KHDRBS3: variants seen among roughly 807,000 people sequenced by gnomAD.
The protein encoded by KHDRBS3 is KH RNA binding domain containing, signal transduction associated 3.
In KHDRBS3, 23 loss-of-function variants were observed where a neutral mutation model predicts 45.6. The ratio of observed to expected loss-of-function variants is 0.50; its 90% CI spans 0.36 to 0.72. The LOEUF is 0.72. Ranked by LOEUF, KHDRBS3 falls within the 30% of genes least tolerant of loss-of-function variation. KHDRBS3 has a pLI of 0.00. For missense variants in KHDRBS3, 352 were observed against 424.8 expected (o/e 0.83, Z 1.51); for synonymous variants, 162 against 156.5 (o/e 1.04, Z -0.26).
At chr8:135,572,612 T>C (rs902986783) in intron 5 of KHDRBS3, among the ~76,000 whole-genome samples, 5 of 152,246 alleles carry the variant, frequency 3.3e-5, no homozygotes, top group African/African-American at 9.6e-5. Flanking sequence ...CAGCAGTGCT[T>C]GAGGGCCTGT....
At chr8:135,622,974 G>C (rs4593582) in intron 7 of KHDRBS3, among the ~76,000 whole-genome samples, 151,957 of 152,354 alleles carry the variant, frequency 1, 75,782 homozygotes, top group East Asian at 1. Flanking sequence ...TAACCAATCT[G>C]TGACCCCTTT....
downstream of KHDRBS3, among the ~76,000 whole-genome samples, chr8:135,651,643 A>T (rs1336233886): frequency 6.6e-6 from 1 of 152,138 alleles, no homozygotes; most frequent in Non-Finnish European, 1.5e-5. Flanking sequence ...ATAGTGCCTC[A>T]TTTAGTCTGT....
intron 2 of KHDRBS3, 112 bp downstream of exon 2, chr8:135,521,467 C>T: frequency 1.7e-6 from 1 of 591,760 alleles, no homozygotes. Context: ...TAGCATCCCC[C>T]TACACACACT....
chr8:135,469,065 G>C (rs1403408901), intron 1 of KHDRBS3, among the ~76,000 whole-genome samples: 2 of 152,232 alleles, frequency 1.3e-5, no homozygotes, highest in Non-Finnish European at 2.9e-5. Context: ...GTCTGGTGTT[G>C]CTGCATTCTG....
At chr8:135,483,561 C>CTT (rs1330885617) in intron 1 of KHDRBS3, among the ~76,000 whole-genome samples, 1 of 152,166 alleles carries the variant, frequency 6.6e-6, no homozygotes, top group Admixed American at 6.5e-5. Context: ...GATTCGTACT[C>CTT]TGAGTTTGCA....
At chr8:135,559,893 A>G (rs957926893) in intron 5 of KHDRBS3, among the ~76,000 whole-genome samples, 3 of 152,174 alleles carry the variant, frequency 2.0e-5, no homozygotes, top group Non-Finnish European at 2.9e-5. Context: ...TCACCCAAAA[A>G]GTGAACAGAA....
intron 7 of KHDRBS3, among the ~76,000 whole-genome samples, chr8:135,627,104 TC>T (rs1188849001): frequency 6.6e-6 from 1 of 152,162 alleles, no homozygotes; most frequent in African/African-American, 2.4e-5. Context: ...CGGGTTAAAC[TC>T]TGAATTAATC....
chr8:135,600,640 GA>G (rs1429792870), intron 6 of KHDRBS3, among the ~76,000 whole-genome samples: 2 of 152,204 alleles, frequency 1.3e-5, no homozygotes, highest in African/African-American at 4.8e-5. Context: ...TAAAGTGCAA[GA>G]AAAGGGATAA....
At chr8:135,504,358 C>T (rs1823884806) in intron 1 of KHDRBS3, among the ~76,000 whole-genome samples, 1 of 152,090 alleles carries the variant, frequency 6.6e-6, no homozygotes, top group Admixed American at 6.5e-5. Context: ...TTTGCATTTT[C>T]CTCTAAGGAA....
At chr8:135,640,184 G>A (rs758926122) in intron 7 of KHDRBS3, among the ~76,000 whole-genome samples, 1 of 152,128 alleles carries the variant, frequency 6.6e-6, no homozygotes, top group African/African-American at 2.4e-5. Context: ...AGAATTTTAG[G>A]TGTGCTAAAG....
At chr8:135,546,570 T>C (rs1207637460) in intron 3 of KHDRBS3, among the ~76,000 whole-genome samples, 2 of 152,202 alleles carry the variant, frequency 1.3e-5, no homozygotes, top group Non-Finnish European at 2.9e-5. Context: ...ATGATAGTGA[T>C]ATAATAATTA....
intron 5 of KHDRBS3, among the ~76,000 whole-genome samples, chr8:135,570,994 A>G (rs1190914017): frequency 1.3e-5 from 2 of 152,216 alleles, no homozygotes; most frequent in Non-Finnish European, 1.5e-5. Flanking sequence ...TTGAGAAGAC[A>G]ATAACAGAGG....
intron 4 of KHDRBS3, among the ~76,000 whole-genome samples, chr8:135,554,442 A>G (rs2130819605): frequency 6.6e-6 from 1 of 152,270 alleles, no homozygotes; most frequent in African/African-American, 2.4e-5. Flanking sequence ...GTGTTTTACA[A>G]ATTATGTATT....
intron 7 of KHDRBS3, among the ~76,000 whole-genome samples, chr8:135,619,756 A>G (rs535793834): frequency 1.3e-5 from 2 of 152,342 alleles, no homozygotes; most frequent in East Asian, 3.9e-4. Context: ...ACAATACAGG[A>G]TACATACACA....
rs138536392 is a variant in KHDRBS3 at position 135,635,847 on chromosome 8, C to T, written c.891-9212C>T. 3.4e-3 allele frequency among the ~76,000 whole-genome samples: 518 copies of T among 152,276 alleles called. 7 individuals are homozygous for T. The highest frequency in any genetic ancestry group is 0.011 in the African/African-American group (470 of 41,560). The stretch of plus-strand genomic sequence containing the variant: ...AAAAATGTCACTTCGCTGCATTATG[C>T]GTATCTTCAAAGTGCTGTTAACACA... On this transcript the variant is annotated intron_variant, in intron 7 of 8. Coordinates refer to ENST00000355849, the MANE Select transcript of KHDRBS3 (RefSeq NM_006558.3).
chr8:135,644,078 G>A (rs1005346635), intron 7 of KHDRBS3, among the ~76,000 whole-genome samples: 5 of 152,180 alleles, frequency 3.3e-5, no homozygotes, highest in Non-Finnish European at 5.9e-5. Context: ...AAAATGGAGT[G>A]GGAAAGAGGA....
At chr8:135,546,790 C>T (rs1826326568) in intron 3 of KHDRBS3, among the ~76,000 whole-genome samples, 1 of 152,058 alleles carries the variant, frequency 6.6e-6, no homozygotes, top group Non-Finnish European at 1.5e-5. Flanking sequence ...GGGTTTAATG[C>T]AGAATTTCAA....
At chr8:135,613,663 G>A (rs1414806671) in intron 7 of KHDRBS3, among the ~76,000 whole-genome samples, 1 of 151,634 alleles carries the variant, frequency 6.6e-6, no homozygotes, top group East Asian at 1.9e-4. Context: ...AGGACTGTGC[G>A]AGCAAATGTT....
chr8:135,572,349 A>T (rs1563776894), intron 5 of KHDRBS3, among the ~76,000 whole-genome samples: 1 of 152,170 alleles, frequency 6.6e-6, no homozygotes, highest in Non-Finnish European at 1.5e-5. Flanking sequence ...ACACTGTCTT[A>T]TTTGTCAATA....
Sources: gnomAD v4.1 joint callset for allele counts (sites outside exome capture counted in the v4.1 genomes callset) on GRCh38, gnomAD v4.1.1 for gene constraint, MANE v1.5 for transcripts, NCBI Gene and HGNC (gene_info 2026-07-23, HGNC 2026-07-21) for gene names.